The following ZNF626 variants were observed in gnomAD, a reference collection of about 807,000 sequenced individuals.
ZNF626 encodes CTC-513N18.7.
Under a neutral mutation model 11.7 loss-of-function variants are expected in ZNF626, and 4 were observed. The ratio of observed to expected loss-of-function variants is 0.34; its 90% CI spans 0.17 to 0.78. The LOEUF (loss-of-function observed/expected upper bound fraction) is 0.78, where lower values mean the gene tolerates loss of function less well. Ranked by LOEUF, ZNF626 falls within the 30% of genes least tolerant of loss-of-function variation. The pLI is 0.57. For synonymous variants in ZNF626, 179 were observed against 198.6 expected (o/e 0.90, Z 0.83); for missense variants, 588 against 587.1 (o/e 1.00, Z -0.01).
At chr19:20,645,203 A>G (rs752919032) in intron 3 of ZNF626, 46 of 1,199,938 alleles carry the variant, frequency 3.8e-5, no homozygotes, top group Non-Finnish European at 4.6e-5. Context: ...ATATATTTCA[A>G]GCCTAGATAG....
chr19:20,628,627 CTGTT>C (rs1399212368), intron 3 of ZNF626, among the ~76,000 whole-genome samples: 3 of 151,966 alleles, frequency 2.0e-5, no homozygotes, highest in African/African-American at 7.3e-5. Context: ...AAAGATGGGG[CTGTT>C]TGTTTTTTTC....
intron 3 of ZNF626, among the ~76,000 whole-genome samples, chr19:20,634,617 C>T (rs565754421): frequency 2.0e-5 from 3 of 150,782 alleles, no homozygotes; most frequent in Admixed American, 6.7e-5. Flanking sequence ...CTTTGGGAGG[C>T]TGAGGTGGGT....
intron 1 of ZNF626, among the ~76,000 whole-genome samples, chr19:20,650,664 G>A (rs1441911297): frequency 2.0e-5 from 3 of 152,236 alleles, no homozygotes; most frequent in South Asian, 2.1e-4. Context: ...GTCAGGAAGT[G>A]GACCCTATGT....
chr19:20,645,193 A>G, intron 3 of ZNF626: 1 of 1,140,620 alleles, frequency 8.8e-7, no homozygotes, highest in Non-Finnish European at 1.1e-6. Context: ...ATTTCAAACT[A>G]TATATTTCAA....
At chr19:20,627,993 T>C (rs782708413) in intron 3 of ZNF626, among the ~76,000 whole-genome samples, 39 of 152,178 alleles carry the variant, frequency 2.6e-4, no homozygotes, top group Admixed American at 1.1e-3. Flanking sequence ...TGTATTCTCA[T>C]TGTTCAATTC....
intron 1 of ZNF626, among the ~76,000 whole-genome samples, chr19:20,654,034 T>C (rs1309874722): frequency 4.6e-5 from 7 of 152,228 alleles, no homozygotes; most frequent in African/African-American, 1.7e-4. Context: ...TAATATCTAC[T>C]AACTGTAACA....
chr19:20,638,746 A>C (rs537141824), intron 3 of ZNF626, among the ~76,000 whole-genome samples: 87 of 152,244 alleles, frequency 5.7e-4, no homozygotes, highest in Non-Finnish European at 1.1e-3. Context: ...TTCTATATGT[A>C]TATGTGTATA....
At chr19:20,654,327 C>T (rs1970180694) in intron 1 of ZNF626, among the ~76,000 whole-genome samples, 2 of 152,086 alleles carry the variant, frequency 1.3e-5, no homozygotes, top group Admixed American at 1.3e-4. Flanking sequence ...ACTGTACTAC[C>T]AGCTACTTGG....
chr19:20,652,447 G>A (rs1214672520), intron 1 of ZNF626, among the ~76,000 whole-genome samples: 1 of 152,148 alleles, frequency 6.6e-6, no homozygotes, highest in East Asian at 1.9e-4. Flanking sequence ...GATTTGTAAA[G>A]ACAATAAGAG....
chr19:20,626,623 C>T, intron 3 of ZNF626, among the ~76,000 whole-genome samples: 1 of 152,068 alleles, frequency 6.6e-6, no homozygotes, highest in Non-Finnish European at 1.5e-5. Flanking sequence ...GAGGCTGACA[C>T]ACAACACAAG....
intron 3 of ZNF626, chr19:20,644,650 G>T (rs553612552): frequency 6.6e-6 from 1 of 152,250 alleles, no homozygotes; most frequent in African/African-American, 2.4e-5. Flanking sequence ...TGTAGCACTG[G>T]AAGTATGGGC....
rs948315131 is a variant in ZNF626 at position 20,661,509 on chromosome 19, G to A, written c.-63C>T. 1.4e-5 allele frequency: 22 copies of A among 1,592,328 alleles called. 1 individual carries two copies. The highest frequency in any genetic ancestry group is 2.2e-5 in the South Asian group (2 of 89,470). On this transcript the variant is annotated 5_prime_UTR_variant, in exon 1 of 4. Transcript: ENST00000601440. ...ATCTCCCAATACCTGCAGGACACGG[G>A]GCCACACAGCCTGGGCCTTTAGGAG...
intron 3 of ZNF626, among the ~76,000 whole-genome samples, chr19:20,626,986 G>C (rs1304564465): frequency 6.6e-6 from 1 of 152,030 alleles, no homozygotes; most frequent in Non-Finnish European, 1.5e-5. Context: ...CTGCACTCCA[G>C]AGCCTGGGTG....
intron 1 of ZNF626, among the ~76,000 whole-genome samples, chr19:20,648,376 TCTTC>T (rs368859870): frequency 3.8e-4 from 48 of 127,394 alleles, no homozygotes; most frequent in East Asian, 6.7e-4. Context: ...TTCTTCTTCT[TCTTC>T]TTTTTTTTTT....
At chr19:20,658,420 G>A (rs1555773350) in intron 1 of ZNF626, among the ~76,000 whole-genome samples, 1 of 152,210 alleles carries the variant, frequency 6.6e-6, no homozygotes, top group African/African-American at 2.4e-5. Flanking sequence ...ACTGGGAGGA[G>A]TGAGGACATG....
At position 20,640,150 on chromosome 19, in the gene ZNF626, T is replaced by C. The variant is rs1555771272; in HGVS notation, c.226+5534A>G. ...ATAAAATAAAGTTGGATTATTTCCT[T>C]GAATGTTACAAAAATATATTTTTAA... On this transcript the variant is annotated intron_variant, in intron 3 of 3. Transcript: ENST00000601440. Among the ~76,000 whole-genome samples, 3 of 151,412 alleles carry C rather than the reference T, an allele frequency of 2.0e-5. No homozygotes were observed. In the South Asian group the frequency reaches 6.2e-4, roughly 31 times the overall value.
At chr19:20,635,614 C>A (rs1485667960) in intron 3 of ZNF626, among the ~76,000 whole-genome samples, 1 of 152,138 alleles carries the variant, frequency 6.6e-6, no homozygotes, top group Non-Finnish European at 1.5e-5. Flanking sequence ...AGCCACCGCG[C>A]CCAGCCTAGA....
At chr19:20,625,698 A>G in intron 3 of ZNF626, 48 bp from the exon 4 acceptor site, 2 of 1,481,690 alleles carry the variant, frequency 1.3e-6, no homozygotes, top group Non-Finnish European at 1.8e-6. Context: ...AGACTCAGAT[A>G]AATATAAATA....
intron 3 of ZNF626, among the ~76,000 whole-genome samples, chr19:20,631,918 G>T (rs1210838236): frequency 6.6e-6 from 1 of 151,712 alleles, no homozygotes; most frequent in Non-Finnish European, 1.5e-5. Context: ...ATTTTGCAGC[G>T]GCTGGTACCG....
Sources: gnomAD v4.1 joint callset for allele counts (sites outside exome capture counted in the v4.1 genomes callset) on GRCh38, gnomAD v4.1.1 for gene constraint, MANE v1.5 for transcripts, NCBI Gene and HGNC (gene_info 2026-07-23, HGNC 2026-07-21) for gene names.